Variants in DNAH10 observed in about 807,000 individuals in gnomAD.
The protein encoded by DNAH10 is axonemal beta dynein heavy chain 10.
DNAH10 carries 348 observed loss-of-function variants against 506.6 expected under a neutral mutation model. The observed-to-expected ratio is 0.69, with a 90% CI of 0.63 to 0.75. DNAH10 has a LOEUF of 0.75. DNAH10 is among the 30% of genes least tolerant of loss of function. The pLI, the probability that DNAH10 is intolerant of heterozygous loss-of-function variation, is 0.00. For missense variants in DNAH10, 5,179 were observed against 5,787.1 expected (o/e 0.89, Z 3.41); for synonymous variants, 2,059 against 2,198.6 (o/e 0.94, Z 1.78).
rs912297055 is a variant in DNAH10, at chr12:123,909,647, C to T, written c.9997+205C>T. On this transcript the variant is annotated intron_variant, in intron 58 of 78. Coordinates refer to ENST00000673944, the MANE Select transcript of DNAH10 (RefSeq NM_001372106.1). This position sits in a 1 kb window ranked among gnomAD's most constrained non-coding sequence, Gnocchi z 5.4. ...GACCCAGGGAGAGTGGCTGGGGATG[C>T]GCGGCGGCAGCCGTGCCCACTGAGG... Among the ~76,000 whole-genome samples the T allele has an allele frequency of 8.5e-5, 13 of 152,314 alleles. No homozygotes were observed. Among genetic ancestry groups the T allele is most frequent in the Admixed American group, 5.9e-4 (9 of 15,306 alleles).
At position 123,932,044 on chromosome 12, in the gene DNAH10, C is replaced by T. The variant is rs538996907; in HGVS notation, c.13232C>T (p.Thr4411Ile). 5 of 1,613,986 alleles carry T rather than the reference C, an allele frequency of 3.1e-6. No individual in the cohort carries two copies. The African/African-American group carries it at 6.7e-5, about 22-fold the overall frequency. Residue 4411 changes from threonine to isoleucine, a missense_variant, in exon 76 of 79, where the codon ACC becomes ATC. Coordinates refer to ENST00000673944, the MANE Select transcript of DNAH10 (RefSeq NM_001372106.1). Reference protein sequence around the residue: ...PNIWRRLAPDTLKSLGNWMVY... With the variant: ...PNIWRRLAPDILKSLGNWMVY... ...ATCTGGAGAAGGCTTGCTCCTGACACCTTAAAGTCCCTTGGAAACTGGATG... is the reference window on the plus strand; with the variant it reads ...ATCTGGAGAAGGCTTGCTCCTGACATCTTAAAGTCCCTTGGAAACTGGATG...
chr12:123,823,621 T>G (rs1323412251), intron 24 of DNAH10, among the ~76,000 whole-genome samples: 3 of 152,204 alleles, frequency 2.0e-5, no homozygotes, highest in Non-Finnish European at 4.4e-5. Context: ...TTAAAATGTT[T>G]AATTTTTCTG....
At chr12:123,792,056 C>T (rs1594036930) in intron 11 of DNAH10, among the ~76,000 whole-genome samples, 2 of 152,156 alleles carry the variant, frequency 1.3e-5, no homozygotes, top group Admixed American at 6.6e-5. Flanking sequence ...AGAGTAGATA[C>T]AGGCTGGACT....
At position 123,914,514 on chromosome 12, in the gene DNAH10, T is replaced by A; in HGVS notation, c.10538T>A (p.Leu3513Gln). 1.9e-6 allele frequency: 3 copies of A among 1,613,526 alleles called. No individual in the cohort carries two copies. The highest frequency in any genetic ancestry group is 2.5e-6 in the Non-Finnish European group (3 of 1,179,832). ...REIPLSQPFRLESLLTDDVEI... is the reference protein window; with the variant it reads ...REIPLSQPFRQESLLTDDVEI... ...ATCCCCCTGAGCCAGCCTTTCCGGC[T>A]GGAAAGCCTGCTCACGGATGATGTT... The change falls in exon 61 of 79, where the codon CTG (leucine) becomes CAG (glutamine). Residue 3513 changes from leucine (L) to glutamine (Q), a missense_variant. Coordinates refer to ENST00000673944, the MANE Select transcript of DNAH10 (RefSeq NM_001372106.1).
At position 123,771,597 on chromosome 12, in the gene DNAH10, G is replaced by T; in HGVS notation, c.299-4G>T. ...TTTCTCTTAAACTGATTGCTGTTTTGCAGCTAAGCGTGTGTCACTGAGAAC... is the reference window on the plus strand; with the variant it reads ...TTTCTCTTAAACTGATTGCTGTTTTTCAGCTAAGCGTGTGTCACTGAGAAC... On this transcript the variant is annotated splice_polypyrimidine_tract_variant and splice_region_variant and intron_variant, in intron 2 of 78. Coordinates refer to ENST00000673944, the MANE Select transcript of DNAH10 (RefSeq NM_001372106.1). 1 of 1,612,588 alleles carries T rather than the reference G, an allele frequency of 6.2e-7. No homozygotes were observed. The highest frequency in any genetic ancestry group is 8.5e-7 in the Non-Finnish European group (1 of 1,179,140).
chr12:123,873,524 A>C, intron 45 of DNAH10, 34 bp from the exon 46 acceptor site: 1 of 1,573,312 alleles, frequency 6.4e-7, no homozygotes, highest in South Asian at 1.2e-5. Flanking sequence ...CTGGGGAAAA[A>C]GCTGGCTTTT....
At chr12:123,776,282 G>T (rs1565889438) in intron 5 of DNAH10, among the ~76,000 whole-genome samples, 1 of 152,132 alleles carries the variant, frequency 6.6e-6, no homozygotes, top group East Asian at 1.9e-4. Context: ...TAATGACCGG[G>T]ATCTGGAGGC....
At position 123,830,628 on chromosome 12, in the gene DNAH10, G is replaced by A; in HGVS notation, c.4474G>A (p.Glu1492Lys). ...TFTLENMFAMELHKHTDVLNE... is the reference protein window; with the variant it reads ...TFTLENMFAMKLHKHTDVLNE... ...CACCTTGGAAAATATGTTTGCTATGGAACTGCACAAACACACAGATGTTCT... is the reference window on the plus strand; with the variant it reads ...CACCTTGGAAAATATGTTTGCTATGAAACTGCACAAACACACAGATGTTCT... The change falls in exon 26 of 79, where the codon GAA (glutamate) becomes AAA (lysine). Residue 1492 changes from glutamate to lysine, a missense_variant. Glu to Lys is a moderately conservative substitution (Grantham distance 56). This residue lies in a region of DNAH10 where 4,844 missense variants were observed against 5,430.5 expected (regional missense o/e 0.89). Transcript: ENST00000673944. 1 of 1,613,800 alleles carries A rather than the reference G, an allele frequency of 6.2e-7. No homozygotes were observed.
chr12:123,838,155 G>A (rs971264067), intron 28 of DNAH10, among the ~76,000 whole-genome samples: 1 of 151,942 alleles, frequency 6.6e-6, no homozygotes, highest in Non-Finnish European at 1.5e-5. Context: ...CTGTAGGGTG[G>A]GGTGGGGCTC....
intron 46 of DNAH10, among the ~76,000 whole-genome samples, 160 bp from the exon 47 acceptor site, chr12:123,875,071 A>G (rs1474500462): frequency 6.6e-6 from 1 of 152,228 alleles, no homozygotes; most frequent in Non-Finnish European, 1.5e-5. Flanking sequence ...ACAAATGGAT[A>G]TATACAGTTG....
rs567024451 is a variant in DNAH10 at position 123,852,482 on chromosome 12, C to T, written c.6292-724C>T. On this transcript the variant is annotated intron_variant, in intron 35 of 78. Coordinates refer to ENST00000673944, the MANE Select transcript of DNAH10 (RefSeq NM_001372106.1). ...TGAGATCTCTTGTTCCTAGTTTTCA[C>T]GACTAAAATTGCCACACTTGCCTTA... Among the ~76,000 whole-genome samples, 4 of 152,166 alleles carry T rather than the reference C, an allele frequency of 2.6e-5. No individual in the cohort carries two copies. The East Asian group carries it at 5.8e-4, about 22-fold the overall frequency.
In DNAH10 at chr12:123,928,859, C is replaced by G. The variant is rs906516077; in HGVS notation, c.12306+272C>G. The G allele has an allele frequency of 4.8e-5, 22 of 462,502 alleles. No homozygotes were observed. Among genetic ancestry groups the G allele is most frequent in the Non-Finnish European group, 6.7e-5 (18 of 269,808 alleles). 28.6% of individuals were successfully genotyped at this position (462,502 alleles called of 1,614,324 possible). A position where few individuals can be genotyped will look rare whatever the true frequency, so the allele number is the denominator to read the frequency against. On this transcript the variant is annotated intron_variant, in intron 70 of 78. Transcript: ENST00000673944. This position sits in a 1 kb window ranked among gnomAD's most constrained non-coding sequence, Gnocchi z 4.9. ...GCTACTTTTCATAAACTTCACGGCC[C>G]CCCCCCCCACACACAGCCTGCAGTT...
chr12:123,791,060 G>A (rs1232070659), intron 11 of DNAH10, among the ~76,000 whole-genome samples: 2 of 152,138 alleles, frequency 1.3e-5, no homozygotes, highest in Non-Finnish European at 2.9e-5. Context: ...CTGGGAGGCT[G>A]AGGTCACAGT....
Position 123,830,629 on chromosome 12 carries a change from A to T in DNAH10, c.4475A>T (p.Glu1492Val). Reference sequence around the variant, plus strand: ...ACCTTGGAAAATATGTTTGCTATGGAACTGCACAAACACACAGATGTTCTC... The same window carrying T: ...ACCTTGGAAAATATGTTTGCTATGGTACTGCACAAACACACAGATGTTCTC... ...TFTLENMFAM[E>V]LHKHTDVLNE... is the part of the protein sequence containing the mutation. Residue 1492 changes from glutamate to valine, a missense_variant, in exon 26 of 79, where the codon GAA (glutamate) becomes GTA (valine). Physicochemically the swap from Glu to Val is moderately radical, Grantham distance 121. This residue lies in a region of DNAH10 where 4,844 missense variants were observed against 5,430.5 expected (regional missense o/e 0.89). Transcript: ENST00000673944. The T allele has an allele frequency of 6.2e-7, 1 of 1,613,948 alleles. No individual in the cohort carries two copies. Among genetic ancestry groups the T allele is most frequent in the Non-Finnish European group, 8.5e-7 (1 of 1,179,858 alleles).
chr12:123,773,037 C>T, intron 4 of DNAH10, 95 bp downstream of exon 4: 1 of 829,596 alleles, frequency 1.2e-6, no homozygotes, highest in Non-Finnish European at 1.9e-6. Flanking sequence ...TTATGGTTAT[C>T]TTTCACCTAT....
chr12:123,780,011 A>G (rs893322329), intron 5 of DNAH10, among the ~76,000 whole-genome samples: 11 of 152,138 alleles, frequency 7.2e-5, no homozygotes, highest in African/African-American at 2.7e-4. Flanking sequence ...TCATAAATGC[A>G]TGCTTCTCTC....
At position 123,865,958 on chromosome 12, in the gene DNAH10, A is replaced by T. The variant is rs533945557; in HGVS notation, c.7052A>T (p.Asp2351Val). ...AHCALLFEVG[D>V]LQYASPATVS... ...TTTTCTTTATTTATCCAGGTTGGAG[A>T]TTTACAGTATGCCTCCCCTGCAACT... The change falls in exon 41 of 79, where the codon GAT becomes GTT. Residue 2351 changes from aspartate to valine, a missense_variant. Asp to Val is a radical substitution (Grantham distance 152, BLOSUM62 -3). Around this residue, in one of 3 missense-constraint regions of DNAH10, gnomAD observed 4,844 missense variants for 5,430.5 expected, o/e 0.89. Coordinates refer to ENST00000673944, the MANE Select transcript of DNAH10 (RefSeq NM_001372106.1). The T allele has an allele frequency of 9.4e-6, 15 of 1,603,398 alleles. No individual in the cohort carries two copies. The African/African-American group carries it at 1.6e-4, about 17-fold the overall frequency.
intron 21 of DNAH10, 148 bp from the exon 22 acceptor site, chr12:123,818,802 T>A: frequency 3.3e-6 from 2 of 612,258 alleles, no homozygotes; most frequent in South Asian, 3.9e-5. Context: ...CTGGCCTTAA[T>A]ATTTCAATCA....
intron 73 of DNAH10, among the ~76,000 whole-genome samples, chr12:123,931,060 A>G (rs1955182673): frequency 6.6e-6 from 1 of 152,126 alleles, no homozygotes; most frequent in Non-Finnish European, 1.5e-5. Context: ...ACAAAAAACA[A>G]AAATATTAGC....
Sources: gnomAD v4.1 joint callset for allele counts (sites outside exome capture counted in the v4.1 genomes callset) on GRCh38, gnomAD v4.1.1 for gene constraint, gnomAD v4.1.1 regional missense constraint, Gnocchi (gnomAD v3.1) non-coding constraint, MANE v1.5 for transcripts, NCBI Gene and HGNC (gene_info 2026-07-23, HGNC 2026-07-21) for gene names.